TSPEAR: variants seen among roughly 807,000 people sequenced by gnomAD.
TSPEAR encodes thrombospondin-type laminin G domain and EAR repeat-containing protein.
Under a neutral mutation model 71.6 loss-of-function variants are expected in TSPEAR, and 69 were observed. The observed-to-expected ratio is 0.96, with a 90% CI of 0.79 to 1.18. The LOEUF (loss-of-function observed/expected upper bound fraction) is 1.18, where lower values mean the gene tolerates loss of function less well. Among genes scored for constraint, TSPEAR ranks in the 50% most tolerant of loss-of-function variants. The pLI is 0.00. For synonymous variants in TSPEAR, 402 were observed against 387.2 expected, an observed-to-expected ratio of 1.04 and a Z score of -0.45; for missense variants, 971 against 894.9, an observed-to-expected ratio of 1.09 and a Z score of -1.09.
At chr21:44,659,473 C>G (rs1262386840) in intron 1 of TSPEAR, among the ~76,000 whole-genome samples, 1 of 152,102 alleles carries the variant, frequency 6.6e-6, no homozygotes, top group African/African-American at 2.4e-5. Flanking sequence ...TCCACCTCCC[C>G]CCACACACTA....
At chr21:44,529,684 A>AG in intron 5 of TSPEAR, 114 bp downstream of exon 5, 4 of 1,189,644 alleles carry the variant, frequency 3.4e-6, no homozygotes, top group Non-Finnish European at 3.6e-6. Context: ...AGCAGTGATG[A>AG]GGGGGGCAGG....
At chr21:44,624,062 A>G (rs73907078) in intron 1 of TSPEAR, among the ~76,000 whole-genome samples, 2,219 of 152,272 alleles carry the variant, frequency 0.015, 52 homozygotes, top group African/African-American at 0.052. Flanking sequence ...TTTACAACAT[A>G]AGGGCATGCT....
intron 1 of TSPEAR, chr21:44,677,680 G>A (rs1986382024): frequency 5.0e-6 from 7 of 1,409,596 alleles, no homozygotes; most frequent in Admixed American, 1.7e-5. Context: ...GCTGAAGCTG[G>A]AGTATCTCCC....
rs116258496 is a variant in TSPEAR, at chr21:44,602,708, G to A, written c.83-34703C>T. On this transcript the variant is annotated intron_variant, in intron 1 of 11. Transcript: ENST00000323084. Reference sequence around the variant, plus strand: ...GTGACCAGTCCCCGGGTACATCACCGGGCAGGGCATCCCCAACATCGCACA... The same window carrying A: ...GTGACCAGTCCCCGGGTACATCACCAGGCAGGGCATCCCCAACATCGCACA... Among the ~76,000 whole-genome samples, 1,248 of 152,324 alleles carry A rather than the reference G, an allele frequency of 8.2e-3. 19 individuals are homozygous for A. The highest frequency in any genetic ancestry group is 0.028 in the African/African-American group (1,175 of 41,558).
Position 44,612,456 on chromosome 21 carries a change from G to A in TSPEAR, c.83-44451C>T, listed in dbSNP as rs200162177. 137 of 1,612,036 alleles carry A rather than the reference G, an allele frequency of 8.5e-5. No homozygotes were observed. Among genetic ancestry groups the A allele is most frequent in the South Asian group, 4.5e-4 (41 of 91,002 alleles). The stretch of plus-strand genomic sequence containing the variant: ...TCCTCCCCCTGCCAACAGGCCTGCT[G>A]TGTGCCTGTGTGCTGCAAGTCCAAC... On this transcript the variant is annotated intron_variant, in intron 1 of 11. Coordinates refer to ENST00000323084, the MANE Select transcript of TSPEAR (RefSeq NM_144991.3). The surrounding 1 kb of genome is among the most constrained non-coding windows in gnomAD (Gnocchi z 4.1).
chr21:44,660,623 T>C (rs79493223), intron 1 of TSPEAR, among the ~76,000 whole-genome samples: 31 of 152,366 alleles, frequency 2.0e-4, no homozygotes, highest in Non-Finnish European at 4.0e-4. Context: ...AAAATTTCTT[T>C]GAGCCAAGGA....
chr21:44,677,930 CA>C, intron 1 of TSPEAR: 1 of 1,391,020 alleles, frequency 7.2e-7, no homozygotes. Context: ...CACCAAAAAA[CA>C]AAAGGCCAGC....
intron 1 of TSPEAR, among the ~76,000 whole-genome samples, chr21:44,636,759 G>T (rs1258674922): frequency 6.6e-6 from 1 of 152,122 alleles, no homozygotes; most frequent in Non-Finnish European, 1.5e-5. Flanking sequence ...GGCTCCAGGG[G>T]ATGGCAGTCC....
chr21:44,507,149 G>A (rs1221285717), intron 10 of TSPEAR: 1 of 152,208 alleles, frequency 6.6e-6, no homozygotes, highest in African/African-American at 2.4e-5. Context: ...TGTCCAGAAC[G>A]GGAAATCACA....
At chr21:44,523,802 A>T (rs782800772) in intron 8 of TSPEAR, among the ~76,000 whole-genome samples, 1 of 151,454 alleles carries the variant, frequency 6.6e-6, no homozygotes, top group South Asian at 2.1e-4. Context: ...GTAGTCAGTC[A>T]GTCAGTCAGT....
At chr21:44,590,192 T>C (rs1324041449) in intron 1 of TSPEAR, among the ~76,000 whole-genome samples, 1 of 152,216 alleles carries the variant, frequency 6.6e-6, no homozygotes, top group South Asian at 2.1e-4. Context: ...GGTCATTTGC[T>C]GGGGCAGGAG....
intron 1 of TSPEAR, chr21:44,627,089 C>T (rs1982841733): frequency 3.2e-6 from 5 of 1,559,370 alleles, no homozygotes; most frequent in African/African-American, 1.4e-5. Flanking sequence ...GCCCCAAGAA[C>T]CTCACACACT....
chr21:44,515,030 C>T (rs587722682), intron 9 of TSPEAR, among the ~76,000 whole-genome samples: 59 of 152,296 alleles, frequency 3.9e-4, no homozygotes, highest in African/African-American at 1.3e-3. Context: ...ACCTGCACCC[C>T]ACACCCCCGC....
At chr21:44,595,069 A>G (rs916512735) in intron 1 of TSPEAR, among the ~76,000 whole-genome samples, 5 of 151,898 alleles carry the variant, frequency 3.3e-5, no homozygotes, top group Admixed American at 6.6e-5. Context: ...TGATCCACCT[A>G]CCTTGGCCTC....
chr21:44,569,532 G>GGT (rs368350077), intron 1 of TSPEAR, among the ~76,000 whole-genome samples: 83 of 151,568 alleles, frequency 5.5e-4, no homozygotes, highest in Middle Eastern at 6.9e-3. Context: ...CTGGGGCAGG[G>GGT]GTGTGTGTGT....
chr21:44,616,361 C>A (rs1982095197), intron 1 of TSPEAR, among the ~76,000 whole-genome samples: 1 of 152,176 alleles, frequency 6.6e-6, no homozygotes, highest in Non-Finnish European at 1.5e-5. Flanking sequence ...GGGGTGGGCA[C>A]CTCCCTTCTC....
chr21:44,568,421 C>T (rs1555922075), intron 1 of TSPEAR, among the ~76,000 whole-genome samples: 1 of 152,198 alleles, frequency 6.6e-6, no homozygotes, highest in Admixed American at 6.5e-5. Context: ...GCCCAGGCTC[C>T]TGTCTGCTGG....
chr21:44,518,945 C>G (rs1165654988), intron 9 of TSPEAR: 1 of 254,600 alleles, frequency 3.9e-6, no homozygotes, highest in South Asian at 4.2e-5. Context: ...GAACTGCTGT[C>G]GGCCGGATTG....
intron 1 of TSPEAR, among the ~76,000 whole-genome samples, chr21:44,708,150 T>A (rs1988037727): frequency 6.6e-6 from 1 of 151,618 alleles, no homozygotes; most frequent in Non-Finnish European, 1.5e-5. Context: ...CATGCATGCA[T>A]TGGGGGTAAC....
Sources: gnomAD v4.1 joint callset for allele counts (sites outside exome capture counted in the v4.1 genomes callset) on GRCh38, gnomAD v4.1.1 for gene constraint, Gnocchi (gnomAD v3.1) non-coding constraint, MANE v1.5 for transcripts, NCBI Gene and HGNC (gene_info 2026-07-23, HGNC 2026-07-21) for gene names.